The following FRMD3 variants were observed in gnomAD, a reference collection of about 807,000 sequenced individuals.
The protein encoded by FRMD3 is FERM domain-containing protein 3.
FRMD3 carries 33 observed loss-of-function variants against 70.2 expected under a neutral mutation model. The ratio of observed to expected loss-of-function variants is 0.47; its 90% CI spans 0.36 to 0.63. The LOEUF is 0.63. Among genes scored for constraint, FRMD3 ranks in the 20% least tolerant of loss-of-function variants. The pLI is 0.00. For missense variants in FRMD3, 632 were observed against 711.4 expected, an observed-to-expected ratio of 0.89 and a Z score of 1.27; for synonymous variants, 279 against 255.9, an observed-to-expected ratio of 1.09 and a Z score of -0.86.
chr9:83,386,835 G>C lies in FRMD3; in HGVS notation c.252+2769C>G, dbSNP rs1209632686. On this transcript the variant is annotated intron_variant, in intron 2 of 13. Transcript: ENST00000304195. ...TTGTCTTTCATGACCTCACACTTTT[G>C]AAGGTCAGTTATTTTGGAGAATGTT... is the stretch of plus-strand genomic sequence containing the variant. Among the ~76,000 whole-genome samples the C allele has an allele frequency of 2.6e-5, 4 of 152,128 alleles. No homozygotes were observed. In the East Asian group the frequency reaches 7.7e-4, roughly 29 times the overall value.
At chr9:83,349,069 T>C (rs920025288) in intron 4 of FRMD3, among the ~76,000 whole-genome samples, 2 of 152,096 alleles carry the variant, frequency 1.3e-5, no homozygotes, top group Non-Finnish European at 2.9e-5. Context: ...CTCTCTCCCA[T>C]CCTCCTAGAA....
rs1554713918 is a variant in FRMD3 at position 83,507,736 on chromosome 9, A to ATATCTATC, written c.147+30348_147+30349insGATAGATA. ...TATATATATATATATATATATATAT[A>ATATCTATC]TATCTTCTGGAATATTTCCTGAAGG... On this transcript the variant is annotated intron_variant, in intron 1 of 13. Transcript: ENST00000304195. 3.5e-3 allele frequency among the ~76,000 whole-genome samples: 310 copies of ATATCTATC among 88,676 alleles called. 22 individuals carry two copies. The highest frequency in any genetic ancestry group is 6.7e-3 in the Middle Eastern group (1 of 150). 58.2% of individuals were successfully genotyped at this position (88,676 alleles called of 152,430 possible).
rs765675863 is a variant in FRMD3 at position 83,313,673 on chromosome 9, G to A, written c.671C>T (p.Pro224Leu). ...AGGGGCAGTTACCTTGCATGGGTGA[G>A]GATCCACCCCGTAGGTTTCCAAAGT... ...AHTLETYGVD[P>L]HPCKDSTGTT... Residue 224 changes from proline to leucine, a missense_variant, in exon 7 of 14, where the codon CCT (proline) becomes CTT (leucine). Coordinates refer to ENST00000304195, the MANE Select transcript of FRMD3 (RefSeq NM_174938.6). 1 of 1,613,252 alleles carries A rather than the reference G, an allele frequency of 6.2e-7. No homozygotes were observed. Among genetic ancestry groups the A allele is most frequent in the Non-Finnish European group, 8.5e-7 (1 of 1,179,206 alleles).
intron 2 of FRMD3, among the ~76,000 whole-genome samples, chr9:83,384,028 C>A (rs939331844): frequency 1.3e-5 from 2 of 152,164 alleles, no homozygotes; most frequent in African/African-American, 4.8e-5. Flanking sequence ...GAAGCACTGA[C>A]AATATATTCC....
chr9:83,268,792 T>C (rs570888260), intron 13 of FRMD3, among the ~76,000 whole-genome samples: 1 of 152,176 alleles, frequency 6.6e-6, no homozygotes, highest in African/African-American at 2.4e-5. Flanking sequence ...TCCCCTCTCC[T>C]GGGTGAGCAG....
upstream of FRMD3, among the ~76,000 whole-genome samples, chr9:83,539,276 G>A (rs916248274): frequency 2.6e-5 from 4 of 152,216 alleles, no homozygotes; most frequent in Non-Finnish European, 5.9e-5. Flanking sequence ...GGGTGTTGAA[G>A]GTAGGAGGTA....
intron 3 of FRMD3, chr9:83,351,026 T>C (rs796090294): frequency 1.0e-6 from 1 of 963,290 alleles, no homozygotes; most frequent in African/African-American, 1.8e-5. Flanking sequence ...GTAAAGCTAC[T>C]TGGGATCAGT....
At chr9:83,434,637 T>C (rs1157900859) in intron 1 of FRMD3, among the ~76,000 whole-genome samples, 9 of 152,162 alleles carry the variant, frequency 5.9e-5, no homozygotes, top group African/African-American at 2.2e-4. Flanking sequence ...ACACAGCCCA[T>C]GCTTATCAAC....
chr9:83,276,209 T>C (rs1001707306), intron 13 of FRMD3: 4 of 152,212 alleles, frequency 2.6e-5, no homozygotes, highest in Admixed American at 6.5e-5. Flanking sequence ...ACACTGAACT[T>C]ACTGACTCCA....
At chr9:83,472,077 G>GCTA in intron 1 of FRMD3, among the ~76,000 whole-genome samples, 2 of 150,438 alleles carry the variant, frequency 1.3e-5, no homozygotes, top group Admixed American at 1.3e-4. Context: ...GGACTAGGGT[G>GCTA]CTACCAGAGA....
chr9:83,444,744 G>A (rs910271231), intron 1 of FRMD3, among the ~76,000 whole-genome samples: 1 of 152,136 alleles, frequency 6.6e-6, no homozygotes, highest in African/African-American at 2.4e-5. Context: ...TGCTCTTGAG[G>A]GTGCTGTTGT....
intron 1 of FRMD3, among the ~76,000 whole-genome samples, chr9:83,442,967 A>G (rs754988338): frequency 2.6e-5 from 4 of 152,204 alleles, no homozygotes; most frequent in Non-Finnish European, 4.4e-5. Context: ...TAAACTTTTC[A>G]TTAATCTATG....
intron 13 of FRMD3, among the ~76,000 whole-genome samples, chr9:83,264,802 A>G (rs1833155830): frequency 6.9e-6 from 1 of 143,986 alleles, no homozygotes; most frequent in Non-Finnish European, 1.5e-5. Context: ...GTTGCTAACC[A>G]ATTGTGGGGG....
chr9:83,350,929 A>C, intron 3 of FRMD3: 1 of 698,250 alleles, frequency 1.4e-6, no homozygotes, highest in Non-Finnish European at 1.8e-6. Context: ...GTTAACATAT[A>C]AAATGAACAT....
downstream of FRMD3, chr9:83,243,056 G>T (rs7030534): frequency 1.3e-4 from 100 of 743,554 alleles, no homozygotes; most frequent in African/African-American, 1.4e-3. Flanking sequence ...CCTAAGCAAG[G>T]TTCCTTTCTT....
intron 2 of FRMD3, among the ~76,000 whole-genome samples, chr9:83,376,198 C>G (rs1825142156): frequency 1.4e-5 from 2 of 146,234 alleles, no homozygotes; most frequent in Admixed American, 1.4e-4. Flanking sequence ...AACCACCTGA[C>G]AGGTCCATGG....
intron 4 of FRMD3, among the ~76,000 whole-genome samples, chr9:83,348,613 T>C (rs1301371579): frequency 2.0e-5 from 3 of 152,150 alleles, no homozygotes; most frequent in Non-Finnish European, 4.4e-5. Flanking sequence ...AATGGTGAGA[T>C]ACATTTATGT....
At chr9:83,295,800 CCTCTGGAA>C (rs1320826475) in intron 12 of FRMD3, among the ~76,000 whole-genome samples, 1 of 152,190 alleles carries the variant, frequency 6.6e-6, no homozygotes, top group African/African-American at 2.4e-5. Context: ...TCTCACTGGG[CCTCTGGAA>C]CAGGCAGATG....
intron 10 of FRMD3, among the ~76,000 whole-genome samples, chr9:83,307,951 T>C (rs1835200441): frequency 6.6e-6 from 1 of 152,174 alleles, no homozygotes; most frequent in Non-Finnish European, 1.5e-5. Flanking sequence ...ATGTAGATTT[T>C]CCGAAGGCCA....
Sources: allele counts gnomAD v4.1 joint callset (sites outside exome capture counted in the v4.1 genomes callset), GRCh38; gene constraint gnomAD v4.1.1; transcripts MANE v1.5; gene names NCBI Gene and HGNC (gene_info 2026-07-23, HGNC 2026-07-21).